COLGALT2: variants seen among roughly 807,000 people sequenced by gnomAD.
The protein encoded by COLGALT2 is collagen beta(1-O)galactosyltransferase 2.
Under a neutral mutation model 73.4 loss-of-function variants are expected in COLGALT2, and 49 were observed. The observed-to-expected ratio is 0.67, with a 90% CI of 0.53 to 0.85. The LOEUF is 0.85. Ranked by LOEUF, COLGALT2 falls within the 40% of genes least tolerant of loss-of-function variation. COLGALT2 has a pLI of 0.00. For synonymous variants in COLGALT2, 295 were observed against 307.6 expected (o/e 0.96, Z 0.43); for missense variants, 722 against 790.2 (o/e 0.91, Z 1.03).
Position 183,969,549 on chromosome 1 carries a change from T to C in COLGALT2, c.628-76A>G. The stretch of plus-strand genomic sequence containing the variant: ...CCTTCTCAGTCATTTGCTAGACTGA[T>C]TCCTTTCAAGTCATTACCAGCTATA... On this transcript the variant is annotated intron_variant, in intron 4 of 11. Coordinates refer to ENST00000361927, the MANE Select transcript of COLGALT2 (RefSeq NM_015101.4). The C allele has an allele frequency of 2.3e-6, 3 of 1,326,944 alleles. 1 individual carries two copies. Among genetic ancestry groups the C allele is most frequent in the Non-Finnish European group, 1.0e-6 (1 of 964,694 alleles). 82.2% of individuals were successfully genotyped at this position (1,326,944 alleles called of 1,614,324 possible).
intron 1 of COLGALT2, among the ~76,000 whole-genome samples, chr1:183,979,969 C>T (rs1230752997): frequency 6.6e-6 from 1 of 151,898 alleles, no homozygotes; most frequent in Non-Finnish European, 1.5e-5. Flanking sequence ...AAAATAAAAT[C>T]CCCCAAATCC....
chr1:183,957,749 T>G (rs946492296), intron 6 of COLGALT2, among the ~76,000 whole-genome samples: 1 of 151,554 alleles, frequency 6.6e-6, no homozygotes, highest in African/African-American at 2.4e-5. Flanking sequence ...ATAGTCACCA[T>G]GTAATTTTAT....
At chr1:183,988,674 T>C (rs565803392) in intron 1 of COLGALT2, among the ~76,000 whole-genome samples, 2 of 152,340 alleles carry the variant, frequency 1.3e-5, no homozygotes, top group South Asian at 4.1e-4. Flanking sequence ...AGTACTTCAC[T>C]TCTTTTTATG....
intron 10 of COLGALT2, 25 bp downstream of exon 10, chr1:183,944,171 C>T (rs756976433): frequency 1.2e-6 from 2 of 1,601,454 alleles, no homozygotes; most frequent in Non-Finnish European, 1.7e-6. Context: ...TCAGAGCCCT[C>T]TCGTAAGATC....
intron 7 of COLGALT2, among the ~76,000 whole-genome samples, chr1:183,953,193 A>T (rs1054707035): frequency 6.6e-6 from 1 of 152,240 alleles, no homozygotes; most frequent in African/African-American, 2.4e-5. Flanking sequence ...AGAAAAGAGC[A>T]TCAGAGCCAA....
chr1:183,963,531 T>C (rs149109294), intron 6 of COLGALT2, among the ~76,000 whole-genome samples: 1 of 152,268 alleles, frequency 6.6e-6, no homozygotes, highest in East Asian at 1.9e-4. Context: ...ACCCTGGAAG[T>C]TTTCATTATT....
intron 6 of COLGALT2, among the ~76,000 whole-genome samples, chr1:183,959,891 C>T (rs983191346): frequency 6.6e-6 from 1 of 152,176 alleles, no homozygotes; most frequent in African/African-American, 2.4e-5. Context: ...GTCCCTGGAA[C>T]ACCCCCAAGC....
intron 7 of COLGALT2, among the ~76,000 whole-genome samples, chr1:183,954,137 C>T (rs185595805): frequency 6.4e-4 from 97 of 152,296 alleles, no homozygotes; most frequent in Middle Eastern, 3.4e-3. Context: ...GTATCTGTTA[C>T]GCATATTACC....
intron 8 of COLGALT2, among the ~76,000 whole-genome samples, chr1:183,946,997 C>T (rs1360495593): frequency 6.6e-6 from 1 of 152,028 alleles, no homozygotes; most frequent in East Asian, 1.9e-4. Flanking sequence ...TGCCATTGCA[C>T]TGCAGCCTGG....
chr1:183,996,746 CCTA>C lies in COLGALT2; in HGVS notation c.264-18229_264-18227del, dbSNP rs577298173. ...GCAGTTCTCTCTCAAGTGAGAAATA[CCTA>C]CTGACAGAAACTGAAGGTCTGGACA... On this transcript the variant is annotated intron_variant, in intron 1 of 11. Transcript: ENST00000361927. 3.3e-4 allele frequency among the ~76,000 whole-genome samples: 50 copies of C among 152,278 alleles called. 1 individual carries two copies. The South Asian group carries it at 0.01, about 32-fold the overall frequency.
chr1:183,972,257 G>A (rs1455631356), intron 4 of COLGALT2, among the ~76,000 whole-genome samples: 2 of 152,140 alleles, frequency 1.3e-5, no homozygotes, highest in Non-Finnish European at 2.9e-5. Context: ...AGGTGTGCAC[G>A]ACACCACAAC....
At chr1:183,986,208 A>C (rs1401294109) in intron 1 of COLGALT2, among the ~76,000 whole-genome samples, 9 of 152,162 alleles carry the variant, frequency 5.9e-5, no homozygotes, top group African/African-American at 2.2e-4. Flanking sequence ...CTAGATATGG[A>C]TATGGTTAAA....
chr1:183,988,375 G>A (rs1052640613), intron 1 of COLGALT2, among the ~76,000 whole-genome samples: 3 of 152,080 alleles, frequency 2.0e-5, no homozygotes, highest in Non-Finnish European at 4.4e-5. Flanking sequence ...TTCACATATC[G>A]AATACTCACT....
intron 1 of COLGALT2, among the ~76,000 whole-genome samples, chr1:183,999,038 ACTTC>A (rs539911450): frequency 8.4e-4 from 128 of 151,854 alleles, no homozygotes; most frequent in African/African-American, 2.9e-3. Flanking sequence ...TTAACCTTTT[ACTTC>A]CTTTATTTAT....
At position 183,981,571 on chromosome 1, in the gene COLGALT2, C is replaced by T. The variant is rs199879413; in HGVS notation, c.264-3051G>A. 9.2e-5 allele frequency among the ~76,000 whole-genome samples: 14 copies of T among 152,014 alleles called. No individual in the cohort carries two copies. In the East Asian group the frequency reaches 1.2e-3, roughly 13 times the overall value. On this transcript the variant is annotated intron_variant, in intron 1 of 11. Coordinates refer to ENST00000361927, the MANE Select transcript of COLGALT2 (RefSeq NM_015101.4). ...ACTTGGGAGGCTGAGGCAGGAGAAT[C>T]GCTTGAACCTGCAAGGTGGAGATTG...
At chr1:184,012,004 A>G (rs185779866) in intron 1 of COLGALT2, among the ~76,000 whole-genome samples, 26 of 152,292 alleles carry the variant, frequency 1.7e-4, no homozygotes, top group African/African-American at 6.3e-4. Context: ...AAAAGGAATG[A>G]TTTTTCTTTG....
rs1373647176 is a variant in COLGALT2, at chr1:184,037,222, G to T, written c.136C>A (p.Pro46Thr). 14 of 1,600,844 alleles carry T rather than the reference G, an allele frequency of 8.7e-6. No homozygotes were observed. The highest frequency in any genetic ancestry group is 1.3e-5 in the African/African-American group (1 of 74,408). ...EDDGEEPVVF[P>T]ESPLQSPTVL... ...GTGGGGCTCTGCAGGGGCGACTCCG[G>T]GAAAACCACCGGCTCCTCTCCGTCG... The change falls in exon 1 of 12, where the codon CCG becomes ACG. Residue 46 changes from proline (P) to threonine (T), a missense_variant. Pro to Thr is a conservative substitution (Grantham distance 38). Transcript: ENST00000361927.
At chr1:184,025,725 C>T (rs1298780399) in intron 1 of COLGALT2, among the ~76,000 whole-genome samples, 2 of 152,228 alleles carry the variant, frequency 1.3e-5, no homozygotes, top group South Asian at 2.1e-4. Flanking sequence ...GGAGACAACA[C>T]TCTTAGCAAA....
At chr1:183,960,152 A>C (rs1322304804) in intron 6 of COLGALT2, among the ~76,000 whole-genome samples, 1 of 152,108 alleles carries the variant, frequency 6.6e-6, no homozygotes. Context: ...TAACACCTTC[A>C]TTGGCTCCTT....
Sources: allele counts gnomAD v4.1 joint callset (sites outside exome capture counted in the v4.1 genomes callset), GRCh38; gene constraint gnomAD v4.1.1; transcripts MANE v1.5; gene names NCBI Gene and HGNC (gene_info 2026-07-23, HGNC 2026-07-21).